Variants in PCED1B observed in about 807,000 individuals in gnomAD.
The protein encoded by PCED1B is PC-esterase domain-containing protein 1B.
For synonymous variants in PCED1B, 251 were observed against 246.1 expected (o/e 1.02, Z -0.19); for missense variants, 573 against 573.9 (o/e 1.00, Z 0.02).
chr12:47,229,694 T>G (rs573514458), intron 3 of PCED1B, among the ~76,000 whole-genome samples: 1 of 152,212 alleles, frequency 6.6e-6, no homozygotes, highest in Non-Finnish European at 1.5e-5. Flanking sequence ...ACCACTCATG[T>G]GGACTGTGGT....
rs150148130 is a variant in PCED1B at position 47,168,309 on chromosome 12, C to A, written c.-525-47913C>A. Among the ~76,000 whole-genome samples the A allele has an allele frequency of 2.3e-3, 349 of 152,300 alleles. 2 individuals carry two copies. Among genetic ancestry groups the A allele is most frequent in the Middle Eastern group, 0.014 (4 of 294 alleles). On this transcript the variant is annotated intron_variant, in intron 2 of 3. Coordinates refer to ENST00000546455, the MANE Select transcript of PCED1B (RefSeq NM_138371.3). ...GTCAATTGTGTTAGCTTATATTTTGCAAGAACATCATTTATTCCCTGTAGG... is the reference window on the plus strand; with the variant it reads ...GTCAATTGTGTTAGCTTATATTTTGAAAGAACATCATTTATTCCCTGTAGG...
intron 2 of PCED1B, among the ~76,000 whole-genome samples, chr12:47,119,536 A>G (rs1353265628): frequency 6.6e-6 from 1 of 152,128 alleles, no homozygotes; most frequent in Non-Finnish European, 1.5e-5. Flanking sequence ...TCTCTTAAAA[A>G]AAAGAAAGAA....
intron 2 of PCED1B, among the ~76,000 whole-genome samples, chr12:47,124,671 C>T (rs1482105199): frequency 6.6e-6 from 1 of 151,936 alleles, no homozygotes; most frequent in Admixed American, 6.6e-5. Context: ...AGTTGCTCAA[C>T]ATGCTAACCA....
At chr12:47,231,353 T>C (rs961763553) in intron 3 of PCED1B, among the ~76,000 whole-genome samples, 4 of 152,078 alleles carry the variant, frequency 2.6e-5, no homozygotes, top group African/African-American at 9.7e-5. Context: ...CAAAGGGGTA[T>C]AAGCTGGGGG....
chr12:47,205,708 A>T (rs1942889910), intron 2 of PCED1B, among the ~76,000 whole-genome samples: 1 of 151,818 alleles, frequency 6.6e-6, no homozygotes, highest in Non-Finnish European at 1.5e-5. Flanking sequence ...GGAAAGAAAG[A>T]GAGGGAAAGA....
intron 1 of PCED1B, among the ~76,000 whole-genome samples, chr12:47,089,023 G>A (rs1173468912): frequency 6.6e-6 from 1 of 152,176 alleles, no homozygotes; most frequent in African/African-American, 2.4e-5. Flanking sequence ...CTGGGTGCAA[G>A]ATAGGCAATA....
chr12:47,170,148 A>C (rs1285867834), intron 2 of PCED1B, among the ~76,000 whole-genome samples: 29 of 152,246 alleles, frequency 1.9e-4, no homozygotes, highest in Admixed American at 1.9e-3. Flanking sequence ...CACATCTTGC[A>C]CTGCCCTTAA....
At chr12:47,114,680 G>A (rs74939722) in intron 2 of PCED1B, among the ~76,000 whole-genome samples, 10,106 of 152,234 alleles carry the variant, frequency 0.066, 471 homozygotes, top group African/African-American at 0.14. Flanking sequence ...AAGCCTTGAG[G>A]TTGCTGCACC....
chr12:47,198,303 C>T (rs1471847365), intron 2 of PCED1B, among the ~76,000 whole-genome samples: 4 of 152,072 alleles, frequency 2.6e-5, no homozygotes, highest in Non-Finnish European at 4.4e-5. Context: ...TGTATATGCT[C>T]ATATTAACAG....
chr12:47,156,347 A>G (rs1941191932), intron 2 of PCED1B, among the ~76,000 whole-genome samples: 1 of 152,102 alleles, frequency 6.6e-6, no homozygotes, highest in South Asian at 2.1e-4. Flanking sequence ...GGATTTTGCA[A>G]GCCTGCTCAA....
At chr12:47,152,594 T>C (rs891934997) in intron 2 of PCED1B, among the ~76,000 whole-genome samples, 4 of 152,210 alleles carry the variant, frequency 2.6e-5, no homozygotes, top group African/African-American at 9.7e-5. Flanking sequence ...TTTGATTAAG[T>C]TCCACAGATT....
At chr12:47,144,788 G>A (rs1940725354) in intron 2 of PCED1B, among the ~76,000 whole-genome samples, 1 of 152,238 alleles carries the variant, frequency 6.6e-6, no homozygotes, top group African/African-American at 2.4e-5. Flanking sequence ...AACGTTGTGT[G>A]TGTTCTGTCT....
intron 1 of PCED1B, among the ~76,000 whole-genome samples, chr12:47,089,661 T>C (rs1938178449): frequency 6.6e-6 from 1 of 151,658 alleles, no homozygotes; most frequent in South Asian, 2.1e-4. Context: ...CTATTGTGCA[T>C]GACAAATCCA....
intron 2 of PCED1B, chr12:47,136,015 C>T (rs1479940277): frequency 6.5e-6 from 1 of 153,202 alleles, no homozygotes; most frequent in African/African-American, 2.4e-5. Flanking sequence ...CAAAGTTACA[C>T]TTCCACCAAA....
intron 2 of PCED1B, among the ~76,000 whole-genome samples, chr12:47,172,340 C>CTTTTTTTTTTTTTTTTTTTTTTGTTT (rs34230051): frequency 3.8e-5 from 3 of 78,336 alleles, no homozygotes; most frequent in Non-Finnish European, 4.9e-5. Flanking sequence ...TCGTGGGTTG[C>CTTTTTTTTTTTTTTTTTTTTTTGTTT]TTTTTTTTTT....
At chr12:47,140,891 C>A (rs897016158) in intron 2 of PCED1B, among the ~76,000 whole-genome samples, 2 of 152,152 alleles carry the variant, frequency 1.3e-5, no homozygotes, top group African/African-American at 4.8e-5. Flanking sequence ...CAAAACAAAA[C>A]CTTCTTAGGT....
chr12:47,164,859 A>T (rs1941494265), intron 2 of PCED1B, among the ~76,000 whole-genome samples: 4 of 152,356 alleles, frequency 2.6e-5, no homozygotes, highest in Non-Finnish European at 4.4e-5. Flanking sequence ...CAAGCTGTTT[A>T]TGTGGCTAGT....
At chr12:47,141,798 C>A (rs1019512545) in intron 2 of PCED1B, among the ~76,000 whole-genome samples, 1 of 152,196 alleles carries the variant, frequency 6.6e-6, no homozygotes. Flanking sequence ...TAGAGGCAGA[C>A]TCACTGGCCT....
At chr12:47,105,245 G>C (rs972149347) in intron 2 of PCED1B, among the ~76,000 whole-genome samples, 2 of 152,104 alleles carry the variant, frequency 1.3e-5, no homozygotes, top group African/African-American at 2.4e-5. Flanking sequence ...GAACGCGGTG[G>C]GGGGCGGCGG....
Sources: allele counts gnomAD v4.1 joint callset (sites outside exome capture counted in the v4.1 genomes callset), GRCh38; gene constraint gnomAD v4.1.1; transcripts MANE v1.5; gene names NCBI Gene and HGNC (gene_info 2026-07-23, HGNC 2026-07-21).